The following BCL6 variants were observed in gnomAD, a reference collection of about 807,000 sequenced individuals.
The protein encoded by BCL6 is B-cell lymphoma 6 protein.
In BCL6, 7 loss-of-function variants were observed where a neutral mutation model predicts 59.5. The ratio of observed to expected loss-of-function variants is 0.12; its 90% CI spans 0.07 to 0.22. The LOEUF is 0.22. BCL6 is among the 10% of genes least tolerant of loss of function. The probability of loss-of-function intolerance (pLI) is 1.00; values close to 1 mark genes in which losing one functional copy is unlikely to be tolerated. For missense variants in BCL6, 685 were observed against 939.4 expected, an observed-to-expected ratio of 0.73 and a Z score of 3.54; for synonymous variants, 339 against 349.7, an observed-to-expected ratio of 0.97 and a Z score of 0.34.
chr3:187,743,898 C>A, intron 1 of BCL6, among the ~76,000 whole-genome samples: 1 of 152,138 alleles, frequency 6.6e-6, no homozygotes, highest in East Asian at 1.9e-4. Flanking sequence ...TGCAAAATCA[C>A]TCACAAAGAT....
Position 187,729,102 on chromosome 3 carries a change from C to T in BCL6, c.1303G>A (p.Gly435Arg), listed in dbSNP as rs753955082. The T allele has an allele frequency of 7.7e-6, 12 of 1,555,466 alleles. No homozygotes were observed. The highest frequency in any genetic ancestry group is 6.2e-5 in the South Asian group (5 of 80,994). Reference sequence around the variant, plus strand: ...GCTTGTGGGATGGTGGAGTCCTCCCCGCTGGCACTCAGCTTGGTTGGGGAC... The same window carrying T: ...GCTTGTGGGATGGTGGAGTCCTCCCTGCTGGCACTCAGCTTGGTTGGGGAC... The part of the protein sequence containing the change: ...LQSPTKLSAS[G>R]EDSTIPQASR... Residue 435 changes from glycine (G) to arginine (R), a missense_variant, in exon 5 of 10, where the codon GGG (glycine) becomes AGG (arginine). By Grantham distance (125) the Gly-to-Arg change is moderately radical. This residue lies in a region of BCL6 where 207 missense variants were observed against 213.7 expected (regional missense o/e 0.97). Transcript: ENST00000406870. The surrounding 1 kb of genome is among the most constrained non-coding windows in gnomAD (Gnocchi z 5.6).
intron 4 of BCL6, among the ~76,000 whole-genome samples, chr3:187,730,822 A>G (rs1719002974): frequency 6.6e-6 from 1 of 152,350 alleles, no homozygotes; most frequent in East Asian, 1.9e-4. Context: ...CAAGCTCACC[A>G]TGATCACAGT....
chr3:187,744,048 A>AGGACCTCGGGAATCTGAAGCCTGG, intron 1 of BCL6, among the ~76,000 whole-genome samples: 1 of 152,262 alleles, frequency 6.6e-6, no homozygotes, highest in African/African-American at 2.4e-5. Flanking sequence ...GCCCAAGGTA[A>AGGACCTCGGGAATCTGAAGCCTGG]GGACCTCGGG....
chr3:187,744,405 C>A (rs547370861), intron 1 of BCL6, among the ~76,000 whole-genome samples: 1 of 152,084 alleles, frequency 6.6e-6, no homozygotes, highest in African/African-American at 2.4e-5. Flanking sequence ...TTCCCGACTC[C>A]CTCGACTACA....
chr3:187,741,171 A>G (rs1711575963), intron 1 of BCL6, among the ~76,000 whole-genome samples: 1 of 152,214 alleles, frequency 6.6e-6, no homozygotes, highest in Non-Finnish European at 1.5e-5. Context: ...CAAAGCTAGA[A>G]AACATTTAAT....
At chr3:187,728,906 C>G in intron 5 of BCL6, 144 bp downstream of exon 5, 7 of 1,173,040 alleles carry the variant, frequency 6.0e-6, no homozygotes, top group Non-Finnish European at 6.9e-6. Flanking sequence ...GTGTAAAATA[C>G]TTCCTTACTC....
At chr3:187,726,360 G>A (rs1233786616) in intron 7 of BCL6, among the ~76,000 whole-genome samples, 1 of 152,220 alleles carries the variant, frequency 6.6e-6, no homozygotes, top group African/African-American at 2.4e-5. Context: ...AGGAATGTGA[G>A]TTGATAAGGA....
chr3:187,737,681 G>A (rs1719354164), intron 1 of BCL6: 1 of 152,412 alleles, frequency 6.6e-6, no homozygotes, highest in Non-Finnish European at 1.5e-5. Flanking sequence ...GTATGACCGT[G>A]GCGGCCCTTA....
chr3:187,729,676 G>T lies in BCL6; in HGVS notation c.729C>A (p.Ser243Arg). ...DSARPVPGEY[S>R]RPTLEVSPNV... ...TGGGGGACACCTCCAAAGTCGGCCG[G>T]CTGTACTCACCAGGGACTGGCCTGG... The change falls in exon 5 of 10, where the codon AGC becomes AGA. Residue 243 changes from serine to arginine, a missense_variant. Coordinates refer to ENST00000406870, the MANE Select transcript of BCL6 (RefSeq NM_001706.5). The surrounding 1 kb of genome is among the most constrained non-coding windows in gnomAD (Gnocchi z 5.6). The T allele has an allele frequency of 5.6e-6, 9 of 1,614,124 alleles. No homozygotes were observed. The highest frequency in any genetic ancestry group is 7.6e-6 in the Non-Finnish European group (9 of 1,180,028).
rs773249979 is a variant in BCL6, at chr3:187,728,513, C to CGCT, written c.1384_1386dup (p.Ser462dup). On this transcript the variant is annotated inframe_insertion, in exon 6 of 10. Coordinates refer to ENST00000406870, the MANE Select transcript of BCL6 (RefSeq NM_001706.5). ...TGCATGTAGAGTGGTGAGTGGCTCT[C>CGCT]GCTGCTGCTGCGGGGAGAGCCCGTC... 1.8e-5 allele frequency: 29 copies of CGCT among 1,609,876 alleles called. No individual in the cohort carries two copies. Among genetic ancestry groups the CGCT allele is most frequent in the Non-Finnish European group, 2.2e-5 (26 of 1,179,142 alleles).
chr3:187,729,922 C>G lies in BCL6; in HGVS notation c.483G>C (p.Glu161Asp). The change falls in exon 5 of 10, where the codon GAG (glutamate) becomes GAC (aspartate). Residue 161 changes from glutamate (E) to aspartate (D), a missense_variant. Physicochemically the swap from Glu to Asp is conservative, Grantham distance 45. Coordinates refer to ENST00000406870, the MANE Select transcript of BCL6 (RefSeq NM_001706.5). This position sits in a 1 kb window ranked among gnomAD's most constrained non-coding sequence, Gnocchi z 5.6. ...PQDIMAYRGR[E>D]VVENNLPLRS... ...TCAGTGGCAGGTTGTTCTCCACCAC[C>G]TCACGACCCCGATAGGCCATGATGT... is the stretch of plus-strand genomic sequence containing the variant. 1 of 1,614,074 alleles carries G rather than the reference C, an allele frequency of 6.2e-7. No homozygotes were observed. The highest frequency in any genetic ancestry group is 1.7e-4 in the Middle Eastern group (1 of 6,060).
intron 3 of BCL6, 116 bp downstream of exon 3, chr3:187,733,417 G>A: frequency 8.0e-7 from 1 of 1,246,510 alleles, no homozygotes; most frequent in Non-Finnish European, 1.1e-6. Flanking sequence ...GAGATCTGGA[G>A]ACAAAGCGAG....
Position 187,722,304 on chromosome 3 carries a change from G to GGGCCCCCCCCCCC in BCL6, c.*153_*154insGGGGGGGGGGGCC. ...GCTGCTGCGGCTCCCAGTCCCCCAGGCCCCGACCCCCACCACCCCCAACCC... is the reference window on the plus strand; with the variant it reads ...GCTGCTGCGGCTCCCAGTCCCCCAGGGGCCCCCCCCCCCCCCCGACCCCCACCACCCCCAACCC... On this transcript the variant is annotated 3_prime_UTR_variant, in exon 10 of 10. Transcript: ENST00000406870. 10 of 309,274 alleles carry GGGCCCCCCCCCCC rather than the reference G, an allele frequency of 3.2e-5. No individual in the cohort carries two copies. Among genetic ancestry groups the GGGCCCCCCCCCCC allele is most frequent in the Middle Eastern group, 9.4e-4 (1 of 1,066 alleles). 19.2% of individuals were successfully genotyped at this position (309,274 alleles called of 1,614,324 possible).
At chr3:187,733,746 G>T (rs1230983640) in intron 2 of BCL6, 43 bp from the exon 3 acceptor site, 3 of 1,604,940 alleles carry the variant, frequency 1.9e-6, no homozygotes. Context: ...TCCAGAACCT[G>T]TTTCCTGCTT....
At chr3:187,734,258 G>T (rs1181908999) in intron 2 of BCL6, among the ~76,000 whole-genome samples, 1 of 152,026 alleles carries the variant, frequency 6.6e-6, no homozygotes, top group East Asian at 1.9e-4. Context: ...GGCCAGGCTG[G>T]GTCTCAAACT....
chr3:187,733,386 A>G, intron 3 of BCL6, 147 bp downstream of exon 3: 1 of 883,606 alleles, frequency 1.1e-6, no homozygotes. Flanking sequence ...TTGGGAGCCT[A>G]CTGTGCCACG....
chr3:187,721,919 A>G lies in BCL6; in HGVS notation c.*539T>C, dbSNP rs1258364600. On this transcript the variant is annotated 3_prime_UTR_variant, in exon 10 of 10. Transcript: ENST00000406870. The surrounding 1 kb of genome is among the most constrained non-coding windows in gnomAD (Gnocchi z 4.2). ...AATCGAGCCTTTAACGCAGTTTTAT[A>G]TTTTTAATATATCTTTTTTAGGTTT... 5.1e-6 allele frequency: 1 copy of G among 197,492 alleles called. No individual in the cohort carries two copies. Among genetic ancestry groups the G allele is most frequent in the Non-Finnish European group, 1.0e-5 (1 of 96,916 alleles). 12.2% of individuals were successfully genotyped at this position (197,492 alleles called of 1,614,324 possible).
At chr3:187,732,715 T>G (rs1029620645) in intron 3 of BCL6, among the ~76,000 whole-genome samples, 2 of 152,252 alleles carry the variant, frequency 1.3e-5, no homozygotes, top group Non-Finnish European at 2.9e-5. Flanking sequence ...CATGTCTACC[T>G]TATAGTGTTG....
At chr3:187,724,644 C>T in intron 9 of BCL6, 1 of 380,916 alleles carries the variant, frequency 2.6e-6, no homozygotes, top group Non-Finnish European at 4.9e-6. Context: ...TGGAGTGAAT[C>T]AAGTCTATGT....
Sources: gnomAD v4.1 joint callset for allele counts (sites outside exome capture counted in the v4.1 genomes callset) on GRCh38, gnomAD v4.1.1 for gene constraint, gnomAD v4.1.1 regional missense constraint, Gnocchi (gnomAD v3.1) non-coding constraint, MANE v1.5 for transcripts, NCBI Gene and HGNC (gene_info 2026-07-23, HGNC 2026-07-21) for gene names.